Variants in PYROXD2 observed in about 807,000 individuals in gnomAD.
PYROXD2 encodes the protein pyridine nucleotide-disulphide oxidoreductase domain 2.
In PYROXD2, 69 loss-of-function variants were observed where a neutral mutation model predicts 71.1. The ratio of observed to expected loss-of-function variants is 0.97; its 90% CI spans 0.80 to 1.19. PYROXD2 has a LOEUF of 1.19. PYROXD2 is among the 50% of genes most tolerant of loss of function. The pLI is 0.00. For missense variants in PYROXD2, 745 were observed against 748.9 expected, an observed-to-expected ratio of 0.99 and a Z score of 0.06; for synonymous variants, 287 against 302.7, an observed-to-expected ratio of 0.95 and a Z score of 0.54.
intron 5 of PYROXD2, 26 bp from the exon 6 acceptor site, chr10:98,397,524 C>A: frequency 1.3e-6 from 2 of 1,562,542 alleles, no homozygotes; most frequent in African/African-American, 2.7e-5. Context: ...GCATTAAGGC[C>A]CCACTGTCCA....
chr10:98,408,048 C>G (rs1276731494), intron 2 of PYROXD2, 51 bp from the exon 3 acceptor site: 1 of 1,542,632 alleles, frequency 6.5e-7, no homozygotes, highest in Admixed American at 1.9e-5. Flanking sequence ...TCTGAAATGT[C>G]AGGGCTCCCT....
intron 1 of PYROXD2, chr10:98,411,493 GTTTT>G (rs34431381): frequency 0.38 from 54,268 of 144,310 alleles, 10,867 homozygotes; most frequent in African/African-American, 0.56. Flanking sequence ...ATTCACATGG[GTTTT>G]TTTTTTTTTT....
rs1843140566 is a variant in PYROXD2 at position 98,395,556 on chromosome 10, A to G, written c.626-104T>C. 5 of 982,042 alleles carry G rather than the reference A, an allele frequency of 5.1e-6. No homozygotes were observed. The Admixed American group carries it at 5.4e-5, about 11-fold the overall frequency. 60.8% of individuals were successfully genotyped at this position (982,042 alleles called of 1,614,324 possible). ...ATGGAGGATGCTGAGACTTCCTGCC[A>G]GGAGGTGGTATAGCACAGCCAATGC... On this transcript the variant is annotated intron_variant, in intron 6 of 15. Transcript: ENST00000370575.
In PYROXD2 at chr10:98,400,127, G is replaced by A. The variant is rs1220937500; in HGVS notation, c.446C>T (p.Ala149Val). Residue 149 changes from alanine (A) to valine (V), a missense_variant, in exon 5 of 16, where the codon GCC becomes GTC. Physicochemically the swap from Ala to Val is moderately conservative, Grantham distance 64. Transcript: ENST00000370575. ...TDMAENQKQI[A>V]QFSQKDAQVF... ...CTGGGCATCCTTCTGGGAGAACTGG[G>A]CGATCTGCTTCTGGTTTTCTGCCAT... The A allele has an allele frequency of 1.2e-6, 2 of 1,613,518 alleles. No homozygotes were observed. Among genetic ancestry groups the A allele is most frequent in the Non-Finnish European group, 1.7e-6 (2 of 1,179,802 alleles).
intron 5 of PYROXD2, among the ~76,000 whole-genome samples, chr10:98,399,810 A>C (rs761654681): frequency 6.6e-6 from 1 of 152,258 alleles, no homozygotes; most frequent in Admixed American, 6.5e-5. Flanking sequence ...AGAACGTGCC[A>C]GTGCATTTCC....
At chr10:98,385,355 CTG>C (rs1201379498) in intron 14 of PYROXD2, among the ~76,000 whole-genome samples, 1 of 152,244 alleles carries the variant, frequency 6.6e-6, no homozygotes, top group African/African-American at 2.4e-5. Flanking sequence ...CCCTCTCCCT[CTG>C]TTGGAAAAAC....
chr10:98,393,396 C>T (rs1476306988), intron 8 of PYROXD2, among the ~76,000 whole-genome samples: 1 of 152,214 alleles, frequency 6.6e-6, no homozygotes, highest in African/African-American at 2.4e-5. Context: ...CCTTTGGACC[C>T]TTTCTTGGCA....
At chr10:98,401,699 A>G (rs1843417454) in intron 4 of PYROXD2, among the ~76,000 whole-genome samples, 1 of 151,822 alleles carries the variant, frequency 6.6e-6, no homozygotes, top group African/African-American at 2.4e-5. Context: ...TTTTTCGCTA[A>G]AAAGTAAAAT....
intron 4 of PYROXD2, among the ~76,000 whole-genome samples, chr10:98,404,280 A>G (rs1000831684): frequency 3.9e-5 from 6 of 152,196 alleles, no homozygotes; most frequent in Non-Finnish European, 4.4e-5. Context: ...CTGTACCTCA[A>G]TTCCATTTTC....
Position 98,392,519 on chromosome 10 carries a change from A to T in PYROXD2, c.975T>A (p.Val325=), listed in dbSNP as rs373275707. Residue 325 remains valine, a synonymous_variant, in exon 10 of 16, where the codon GTT becomes GTA. Transcript: ENST00000370575. ...TCACCTCTGTGCCATCTTCCAGCAC[A>T]ACTCCTTGAACACAGCCTTCACTGT... ...QVNSEGCVQG[V]VLEDGTEVRS... is the part of the protein sequence containing the mutation. 1.2e-6 allele frequency: 2 copies of T among 1,613,418 alleles called. No homozygotes were observed. Among genetic ancestry groups the T allele is most frequent in the African/African-American group, 2.7e-5 (2 of 74,904 alleles).
At chr10:98,401,145 C>G (rs1007391904) in intron 4 of PYROXD2, among the ~76,000 whole-genome samples, 1 of 150,256 alleles carries the variant, frequency 6.7e-6, no homozygotes, top group South Asian at 2.1e-4. Context: ...CCCAACTACT[C>G]GGAAGGCTGA....
At chr10:98,391,686 G>T (rs1489206593) in intron 10 of PYROXD2, among the ~76,000 whole-genome samples, 3 of 152,194 alleles carry the variant, frequency 2.0e-5, no homozygotes, top group Non-Finnish European at 4.4e-5. Flanking sequence ...GCCAATGCTA[G>T]CAAACAGGAT....
chr10:98,414,926 T>C, intron 1 of PYROXD2, 83 bp downstream of exon 1: 1 of 1,537,848 alleles, frequency 6.5e-7, no homozygotes. Flanking sequence ...GGGGCTTGGC[T>C]CCCCCTCCCC....
At position 98,397,401 on chromosome 10, in the gene PYROXD2, C is replaced by T; in HGVS notation, c.569G>A (p.Gly190Asp). Reference sequence around the variant, plus strand: ...CGACCTCATCCTTTGCAGCAAGGAGCCATGCTGGAAGGCCGCCATGTCCAC... The same window carrying T: ...CGACCTCATCCTTTGCAGCAAGGAGTCATGCTGGAAGGCCGCCATGTCCAC... ...APVDMAAFQH[G>D]SLLQRMRSLS... The change falls in exon 6 of 16, where the codon GGC becomes GAC. Residue 190 changes from glycine (G) to aspartate (D), a missense_variant. By Grantham distance (94) the Gly-to-Asp change is moderately conservative. Transcript: ENST00000370575. 6.2e-7 allele frequency: 1 copy of T among 1,613,126 alleles called. No homozygotes were observed. Among genetic ancestry groups the T allele is most frequent in the Non-Finnish European group, 8.5e-7 (1 of 1,179,438 alleles).
chr10:98,408,093 G>A, intron 2 of PYROXD2, 96 bp from the exon 3 acceptor site: 1 of 1,121,422 alleles, frequency 8.9e-7, no homozygotes, highest in East Asian at 2.6e-5. Flanking sequence ...CTCACTATAG[G>A]CCAGTATGGG....
intron 4 of PYROXD2, among the ~76,000 whole-genome samples, chr10:98,405,118 C>T (rs1843552409): frequency 1.3e-5 from 2 of 152,192 alleles, no homozygotes; most frequent in Admixed American, 6.5e-5. Flanking sequence ...CCTTCTCCAC[C>T]AGTGCAAAGG....
intron 8 of PYROXD2, among the ~76,000 whole-genome samples, chr10:98,393,558 T>A (rs867483498): frequency 7.9e-5 from 12 of 152,068 alleles, no homozygotes; most frequent in Non-Finnish European, 1.5e-4. Flanking sequence ...CCCATCTACA[T>A]CCACAAAGCA....
At chr10:98,409,511 C>A (rs898752133) in intron 2 of PYROXD2, among the ~76,000 whole-genome samples, 3 of 152,202 alleles carry the variant, frequency 2.0e-5, no homozygotes, top group African/African-American at 7.2e-5. Context: ...GAGCAAGAAA[C>A]CAAACTAGAC....
At position 98,397,380 on chromosome 10, in the gene PYROXD2, C is replaced by T. The variant is rs755309083; in HGVS notation, c.590G>A (p.Arg197Lys). 1.6e-5 allele frequency: 26 copies of T among 1,612,130 alleles called. No individual in the cohort carries two copies. The African/African-American group carries it at 3.2e-4, about 20-fold the overall frequency. Residue 197 changes from arginine to lysine, a missense_variant, in exon 6 of 16, where the codon AGG (arginine) becomes AAG (lysine). Arg to Lys is a conservative substitution (Grantham distance 26, BLOSUM62 2). Transcript: ENST00000370575. Reference protein sequence around the residue: ...FQHGSLLQRMRSLSTLKPLLK... With the variant: ...FQHGSLLQRMKSLSTLKPLLK... ...CAGGGGCTTGAGGGTGGAGAGCGAC[C>T]TCATCCTTTGCAGCAAGGAGCCATG... is the stretch of plus-strand genomic sequence containing the variant.
Sources: allele counts gnomAD v4.1 joint callset (sites outside exome capture counted in the v4.1 genomes callset), GRCh38; gene constraint gnomAD v4.1.1; transcripts MANE v1.5; gene names NCBI Gene and HGNC (gene_info 2026-07-23, HGNC 2026-07-21).